RIN3: variants seen among roughly 807,000 people sequenced by gnomAD.
RIN3 encodes the protein Ras and Rab interactor 3.
Under a neutral mutation model 76.3 loss-of-function variants are expected in RIN3, and 54 were observed. The observed-to-expected ratio is 0.71, with a 90% CI of 0.57 to 0.89. RIN3 has a LOEUF of 0.89. RIN3 is among the 40% of genes least tolerant of loss of function. The pLI is 0.00. For synonymous variants in RIN3, 576 were observed against 564.0 expected (o/e 1.02, Z -0.30); for missense variants, 1,256 against 1,322.1 (o/e 0.95, Z 0.78).
At chr14:92,561,089 C>A (rs573946711) in intron 2 of RIN3, among the ~76,000 whole-genome samples, 50 of 110,860 alleles carry the variant, frequency 4.5e-4, no homozygotes, top group African/African-American at 1.6e-3. Context: ...ATATATATAT[C>A]TGCCATATAT....
chr14:92,558,755 A>T (rs1203878177), intron 2 of RIN3, among the ~76,000 whole-genome samples: 1 of 152,250 alleles, frequency 6.6e-6, no homozygotes, highest in African/African-American at 2.4e-5. Context: ...TCTCGTGGTT[A>T]TCCCACCGGA....
intron 7 of RIN3, among the ~76,000 whole-genome samples, chr14:92,659,702 C>A (rs550328163): frequency 6.6e-6 from 1 of 152,354 alleles, no homozygotes; most frequent in African/African-American, 2.4e-5. Context: ...AGCAAGGAAG[C>A]CAGCCCACAC....
intron 3 of RIN3, among the ~76,000 whole-genome samples, chr14:92,588,357 A>G (rs1233356928): frequency 6.6e-6 from 1 of 150,824 alleles, no homozygotes; most frequent in Non-Finnish European, 1.5e-5. Flanking sequence ...TCTCCCAAGT[A>G]GCTGGGATTA....
chr14:92,639,172 C>A (rs1172715037), intron 4 of RIN3, among the ~76,000 whole-genome samples: 2 of 152,234 alleles, frequency 1.3e-5, no homozygotes, highest in African/African-American at 4.8e-5. Flanking sequence ...GTTCCAGGAG[C>A]ACCCAGGGCT....
At chr14:92,634,291 C>G (rs1732902739) in intron 4 of RIN3, among the ~76,000 whole-genome samples, 3 of 151,240 alleles carry the variant, frequency 2.0e-5, no homozygotes. Flanking sequence ...GTTGGCCAGG[C>G]TGGTCTCAAA....
rs1404260322 is a variant in RIN3, at chr14:92,617,408, ACT to A, written c.440+1934_440+1935del. Among the ~76,000 whole-genome samples the A allele has an allele frequency of 2.0e-5, 3 of 151,812 alleles. No individual in the cohort carries two copies. The East Asian group carries it at 5.8e-4, about 30-fold the overall frequency. On this transcript the variant is annotated intron_variant, in intron 4 of 9. Coordinates refer to ENST00000216487, the MANE Select transcript of RIN3 (RefSeq NM_024832.5). ...GACCAAAACTTAGGGCCTTAGTGCC[ACT>A]CTCTGTTACCATCATTTTGGGTTTC... is the stretch of plus-strand genomic sequence containing the variant.
chr14:92,589,756 G>GC (rs1286990076), intron 3 of RIN3, among the ~76,000 whole-genome samples: 3 of 152,156 alleles, frequency 2.0e-5, no homozygotes, highest in South Asian at 2.1e-4. Flanking sequence ...ATTCCTGATT[G>GC]CCCCCCTTCC....
chr14:92,618,469 G>A (rs780097736), intron 4 of RIN3, among the ~76,000 whole-genome samples: 4 of 152,148 alleles, frequency 2.6e-5, no homozygotes, highest in East Asian at 1.9e-4. Flanking sequence ...TCCAGGTCCC[G>A]AAGTTTTGTT....
intron 1 of RIN3, among the ~76,000 whole-genome samples, chr14:92,525,142 T>C (rs1306950343): frequency 6.6e-6 from 1 of 151,546 alleles, no homozygotes; most frequent in East Asian, 1.9e-4. Flanking sequence ...TGTATGGGGG[T>C]GGGGTGGGGG....
At position 92,539,882 on chromosome 14, in the gene RIN3, G is replaced by A; in HGVS notation, c.45-15869G>A. The stretch of plus-strand genomic sequence containing the variant: ...GCAAAGCCATGAGCCTTCAACCACA[G>A]TGGCTGAGCGGGGGCCTGGGGTGGG... On this transcript the variant is annotated intron_variant, in intron 1 of 9. Transcript: ENST00000216487. 1.3e-5 allele frequency among the ~76,000 whole-genome samples: 2 copies of A among 152,192 alleles called. 1 individual carries two copies. The highest frequency in any genetic ancestry group is 2.9e-5 in the Non-Finnish European group (2 of 68,026).
At chr14:92,535,334 CTT>C (rs5810602) in intron 1 of RIN3, among the ~76,000 whole-genome samples, 131 of 129,956 alleles carry the variant, frequency 1.0e-3, no homozygotes, top group African/African-American at 2.8e-3. Flanking sequence ...TTCTTTCTTT[CTT>C]TTTTTTTTTT....
rs6145445 is a variant in RIN3, at chr14:92,634,068, CTTTTTTTTTTTT to C, written c.441-7158_441-7147del. On this transcript the variant is annotated intron_variant, in intron 4 of 9. Transcript: ENST00000216487. ...GTCAGAATATTTATTCTAAAAATCCCTTTTTTTTTTTTTTTTTTTTTTTGAGATGAAGTTTCA... is the reference window on the plus strand; with the variant it reads ...GTCAGAATATTTATTCTAAAAATCCCTTTTTTTTTTTGAGATGAAGTTTCA... 3.7e-5 allele frequency among the ~76,000 whole-genome samples: 4 copies of C among 108,140 alleles called. 1 individual carries two copies. Among genetic ancestry groups the C allele is most frequent in the South Asian group, 6.3e-4 (2 of 3,200 alleles). The allele number at this position is 108,140 out of a possible 152,430, so 70.9% of individuals were successfully genotyped here. A position where few individuals can be genotyped will look rare whatever the true frequency, so the allele number is the denominator to read the frequency against.
At chr14:92,588,000 G>T (rs995030065) in intron 3 of RIN3, among the ~76,000 whole-genome samples, 1 of 152,076 alleles carries the variant, frequency 6.6e-6, no homozygotes, top group African/African-American at 2.4e-5. Context: ...CTCTGGAGAC[G>T]AGGGATGCTA....
chr14:92,605,736 C>G (rs1885504088), intron 3 of RIN3, among the ~76,000 whole-genome samples: 1 of 152,178 alleles, frequency 6.6e-6, no homozygotes, highest in South Asian at 2.1e-4. Context: ...TGAAATTTAC[C>G]TTTGCACCAT....
intron 7 of RIN3, among the ~76,000 whole-genome samples, chr14:92,673,700 T>G (rs1043705792): frequency 1.3e-5 from 2 of 152,192 alleles, no homozygotes; most frequent in African/African-American, 4.8e-5. Context: ...GAGATGGGGC[T>G]TCCCCACATT....
At chr14:92,684,013 A>G (rs1888754887) in intron 8 of RIN3, among the ~76,000 whole-genome samples, 1 of 152,180 alleles carries the variant, frequency 6.6e-6, no homozygotes, top group East Asian at 1.9e-4. Flanking sequence ...TCTACCTTAA[A>G]TGTTCTCAGA....
At chr14:92,668,956 AAATT>A (rs1888197621) in intron 7 of RIN3, among the ~76,000 whole-genome samples, 2 of 152,254 alleles carry the variant, frequency 1.3e-5, no homozygotes, top group Admixed American at 1.3e-4. Context: ...TTTATCAAAT[AAATT>A]CATTCATTCA....
At chr14:92,621,908 C>T (rs1886196555) in intron 4 of RIN3, among the ~76,000 whole-genome samples, 2 of 152,266 alleles carry the variant, frequency 1.3e-5, no homozygotes, top group South Asian at 2.1e-4. Flanking sequence ...TTACTTTACC[C>T]CAATAGATAA....
chr14:92,643,242 CAGGGTTT>C lies in RIN3; in HGVS notation c.532+1914_532+1920del, dbSNP rs1399292033. Among the ~76,000 whole-genome samples, 1 of 151,988 alleles carries C rather than the reference CAGGGTTT, an allele frequency of 6.6e-6. No homozygotes were observed. The highest frequency in any genetic ancestry group is 1.5e-5 in the Non-Finnish European group (1 of 68,006). On this transcript the variant is annotated intron_variant, in intron 5 of 9. Coordinates refer to ENST00000216487, the MANE Select transcript of RIN3 (RefSeq NM_024832.5). The surrounding 1 kb of genome is among the most constrained non-coding windows in gnomAD (Gnocchi z 4.8). ...CTAATTTTTGTATTTTTAGTAGAGA[CAGGGTTT>C]CACCATATTGGTCAGGCTGGTCTTG...
Sources: allele counts gnomAD v4.1 joint callset (sites outside exome capture counted in the v4.1 genomes callset), GRCh38; gene constraint gnomAD v4.1.1; non-coding constraint Gnocchi (gnomAD v3.1); transcripts MANE v1.5; gene names NCBI Gene and HGNC (gene_info 2026-07-23, HGNC 2026-07-21).